The following NEBL variants were observed in gnomAD, a reference collection of about 807,000 sequenced individuals.
The protein encoded by NEBL is nebulette.
NEBL carries 122 observed loss-of-function variants against 140.2 expected under a neutral mutation model. The observed-to-expected ratio is 0.87, with a 90% CI of 0.75 to 1.01. NEBL has a LOEUF of 1.01. NEBL is among the 50% of genes least tolerant of loss of function. NEBL has a pLI of 0.00. For synonymous variants in NEBL, 436 were observed against 398.9 expected, an observed-to-expected ratio of 1.09 and a Z score of -1.11; for missense variants, 1,365 against 1,231.3, an observed-to-expected ratio of 1.11 and a Z score of -1.62.
intron 2 of NEBL, among the ~76,000 whole-genome samples, chr10:21,061,300 ATAT>A (rs1418062440): frequency 4.2e-5 from 6 of 143,620 alleles, no homozygotes; most frequent in Admixed American, 6.9e-5. Context: ...AACATATTAC[ATAT>A]TATGTGATAT....
chr10:21,136,466 T>C (rs558481607), intron 2 of NEBL, among the ~76,000 whole-genome samples: 13 of 152,114 alleles, frequency 8.5e-5, no homozygotes, highest in Non-Finnish European at 1.6e-4. Flanking sequence ...AGGGCTGAGA[T>C]AACAGGCATG....
chr10:21,282,280 G>A (rs1393525818), intron 1 of NEBL, among the ~76,000 whole-genome samples: 2 of 152,214 alleles, frequency 1.3e-5, no homozygotes, highest in African/African-American at 2.4e-5. Flanking sequence ...AGCAATCCAG[G>A]CCTTGGGGAA....
At position 21,173,101 on chromosome 10, in the gene NEBL, T is replaced by G. The variant is rs370592420; in HGVS notation, c.70-624A>C. Among the ~76,000 whole-genome samples, 60 of 152,192 alleles carry G rather than the reference T, an allele frequency of 3.9e-4. No individual in the cohort carries two copies. The East Asian group carries it at 0.01, about 26-fold the overall frequency. On this transcript the variant is annotated intron_variant, in intron 1 of 6. Coordinates refer to the NEBL transcript ENST00000417816. This position sits in a 1 kb window ranked among gnomAD's most constrained non-coding sequence, Gnocchi z 5.7. ...TCACTCCGGATCGCTCCTGGGTGTCTCTCTCCCGGGCTGTTCATCTCCGTC... is the reference window on the plus strand; with the variant it reads ...TCACTCCGGATCGCTCCTGGGTGTCGCTCTCCCGGGCTGTTCATCTCCGTC...
intron 4 of NEBL, among the ~76,000 whole-genome samples, chr10:20,960,840 T>C (rs1421610344): frequency 6.6e-6 from 1 of 152,144 alleles, no homozygotes; most frequent in Non-Finnish European, 1.5e-5. Context: ...CACCTAGATA[T>C]ACAAATTTTA....
At chr10:20,960,498 A>T (rs1836001460) in intron 4 of NEBL, among the ~76,000 whole-genome samples, 1 of 152,112 alleles carries the variant, frequency 6.6e-6, no homozygotes, top group African/African-American at 2.4e-5. Flanking sequence ...TGTCCATTTA[A>T]AGAGCAAAAA....
At chr10:21,064,816 C>G (rs1835461663) in intron 2 of NEBL, among the ~76,000 whole-genome samples, 1 of 151,828 alleles carries the variant, frequency 6.6e-6, no homozygotes, top group African/African-American at 2.4e-5. Flanking sequence ...TACTATTAAA[C>G]TGAGATCTAT....
intron 3 of NEBL, among the ~76,000 whole-genome samples, chr10:20,889,453 T>A (rs1418010088): frequency 1.3e-5 from 2 of 152,208 alleles, no homozygotes; most frequent in Non-Finnish European, 2.9e-5. Context: ...AACTGGTAAA[T>A]CTTATTTATT....
intron 2 of NEBL, among the ~76,000 whole-genome samples, chr10:21,117,933 T>C (rs941004881): frequency 1.3e-5 from 2 of 152,086 alleles, no homozygotes; most frequent in Non-Finnish European, 2.9e-5. Flanking sequence ...ATTAGAAATA[T>C]TTCTTACCTA....
rs751998455 is a variant in NEBL, at chr10:20,852,586, C to G, written c.967G>C (p.Glu323Gln). 6.2e-7 allele frequency: 1 copy of G among 1,613,768 alleles called. No homozygotes were observed. The highest frequency in any genetic ancestry group is 8.5e-7 in the Non-Finnish European group (1 of 1,179,924). ...GCATTGCCTTTATGGTGCAGATGTT[C>G]CACAGCATCTGCATCAAAATGATAC... is the stretch of plus-strand genomic sequence containing the variant. ...GMYHFDADAVEHLHHKGNAVL... is the reference protein window; with the variant it reads ...GMYHFDADAVQHLHHKGNAVL... The change falls in exon 10 of 28, where the codon GAA becomes CAA. Residue 323 changes from glutamate to glutamine, a missense_variant. Coordinates refer to ENST00000377122, the MANE Select transcript of NEBL (RefSeq NM_006393.3).
rs904766225 is a variant in NEBL, at chr10:21,271,630, A to G, written n.183-19802T>C. Among the ~76,000 whole-genome samples, 3 of 151,188 alleles carry G rather than the reference A, an allele frequency of 2.0e-5. No homozygotes were observed. The East Asian group carries it at 5.9e-4, about 30-fold the overall frequency. On this transcript the variant is annotated intron_variant and non_coding_transcript_variant, in intron 1 of 8. Transcript: ENST00000675702. ...AACCTCCACCTCCCAGGTTCAAGCG[A>G]TTCTCCTGCCTCAACCTCCTGAGCA... is the stretch of plus-strand genomic sequence containing the variant.
In NEBL at chr10:21,154,222, G is replaced by C. The variant is rs115872320; in HGVS notation, c.164+18161C>G. On this transcript the variant is annotated intron_variant, in intron 2 of 6. Transcript: ENST00000417816. The stretch of plus-strand genomic sequence containing the variant: ...ATCTGTAACCCCAGCACTTTGGAAG[G>C]CCGAAGCAGGAAGATCACCTGAGGT... Among the ~76,000 whole-genome samples, 1,415 of 152,054 alleles carry C rather than the reference G, an allele frequency of 9.3e-3. 20 individuals are homozygous for C. Among genetic ancestry groups the C allele is most frequent in the African/African-American group, 0.032 (1,337 of 41,450 alleles).
chr10:21,175,051 AAGT>A (rs1413532917), upstream of NEBL: 2 of 152,368 alleles, frequency 1.3e-5, no homozygotes, highest in South Asian at 2.1e-4. Flanking sequence ...CCAGAAAATC[AAGT>A]AGAAGGCTCA....
At chr10:21,043,646 C>G (rs1408053306) in intron 2 of NEBL, among the ~76,000 whole-genome samples, 1 of 152,176 alleles carries the variant, frequency 6.6e-6, no homozygotes, top group East Asian at 1.9e-4. Flanking sequence ...ATTTTAATAT[C>G]ATCACCTTTC....
intron 4 of NEBL, among the ~76,000 whole-genome samples, chr10:20,920,220 A>G (rs1299657371): frequency 6.6e-6 from 1 of 152,366 alleles, no homozygotes; most frequent in African/African-American, 2.4e-5. Context: ...GTTCAACCCC[A>G]GTGGAGGAGA....
At chr10:20,811,655 C>T (rs962810356) in intron 24 of NEBL, among the ~76,000 whole-genome samples, 1 of 152,130 alleles carries the variant, frequency 6.6e-6, no homozygotes, top group Non-Finnish European at 1.5e-5. Flanking sequence ...ACTTTAGCAC[C>T]CTGGTTTTGT....
intron 3 of NEBL, among the ~76,000 whole-genome samples, chr10:21,182,718 G>A (rs779250727): frequency 5.9e-5 from 9 of 152,174 alleles, no homozygotes; most frequent in Non-Finnish European, 8.8e-5. Context: ...TGAGCCACAT[G>A]TGTAATTTTA....
In NEBL at chr10:21,174,048, G is replaced by T. The variant is rs374859608; in HGVS notation, c.-215C>A. On this transcript the variant is annotated 5_prime_UTR_variant, in exon 1 of 7. Transcript: ENST00000417816. ...CGGCCGCGCTCTCGGGCTCGCAGGCGCTGGGTCTCGGCTCCGGCTCCGGCT... is the reference window on the plus strand; with the variant it reads ...CGGCCGCGCTCTCGGGCTCGCAGGCTCTGGGTCTCGGCTCCGGCTCCGGCT... 2.6e-5 allele frequency: 29 copies of T among 1,123,588 alleles called. No individual in the cohort carries two copies. In the East Asian group the frequency reaches 4.1e-4, roughly 16 times the overall value. The allele number at this position is 1,123,588 out of a possible 1,614,324, so 69.6% of individuals were successfully genotyped here.
At chr10:21,170,042 C>G (rs990616018) in intron 2 of NEBL, among the ~76,000 whole-genome samples, 1 of 152,190 alleles carries the variant, frequency 6.6e-6, no homozygotes, top group African/African-American at 2.4e-5. Context: ...CCCAACTCAT[C>G]CAGAATCTCA....
chr10:21,126,170 C>T, intron 2 of NEBL: 1 of 1,557,442 alleles, frequency 6.4e-7, no homozygotes, highest in Non-Finnish European at 8.7e-7. Context: ...TGGTACCCCC[C>T]ATAGAAAGGA....
Sources: gnomAD v4.1 joint callset for allele counts (sites outside exome capture counted in the v4.1 genomes callset) on GRCh38, gnomAD v4.1.1 for gene constraint, Gnocchi (gnomAD v3.1) non-coding constraint, MANE v1.5 for transcripts, NCBI Gene and HGNC (gene_info 2026-07-23, HGNC 2026-07-21) for gene names.